The following SHANK2 variants were observed in gnomAD, a reference collection of about 807,000 sequenced individuals.
SHANK2 encodes SH3 and multiple ankyrin repeat domains protein 2.
Under a neutral mutation model 133.7 loss-of-function variants are expected in SHANK2, and 43 were observed. That is an observed-to-expected ratio of 0.32 (90% confidence interval 0.25 to 0.41). The LOEUF is 0.41. Among genes scored for constraint, SHANK2 ranks in the 10% least tolerant of loss-of-function variants. SHANK2 has a pLI of 1.00. For synonymous variants in SHANK2, 1,017 were observed against 952.8 expected, an observed-to-expected ratio of 1.07 and a Z score of -1.24; for missense variants, 1,994 against 2,235.8, an observed-to-expected ratio of 0.89 and a Z score of 2.18.
At chr11:70,557,487 T>A (rs75279002) in intron 17 of SHANK2, among the ~76,000 whole-genome samples, 3,483 of 152,026 alleles carry the variant, frequency 0.023, 74 homozygotes, top group East Asian at 0.1. Flanking sequence ...CCAGATGGAG[T>A]TGGCAGTCCT....
chr11:71,227,763 T>C (rs561336773), intron 1 of SHANK2, among the ~76,000 whole-genome samples: 1 of 152,238 alleles, frequency 6.6e-6, no homozygotes, highest in South Asian at 2.1e-4. Flanking sequence ...AGAATTCACA[T>C]TCTTTTCAAG....
intron 2 of SHANK2, among the ~76,000 whole-genome samples, chr11:71,194,977 A>T (rs998742775): frequency 5.5e-4 from 84 of 152,200 alleles, no homozygotes; most frequent in African/African-American, 2.0e-3. Flanking sequence ...AATCCCAATA[A>T]GGCTTAAACC....
intron 14 of SHANK2, among the ~76,000 whole-genome samples, chr11:70,723,329 C>CTCTCTT (rs1565270471): frequency 6.6e-6 from 1 of 152,044 alleles, no homozygotes; most frequent in African/African-American, 2.4e-5. Context: ...CTCTCTCTCT[C>CTCTCTT]GCTGGCCTGA....
chr11:71,223,043 G>A (rs1555121562), intron 2 of SHANK2, among the ~76,000 whole-genome samples: 1 of 152,242 alleles, frequency 6.6e-6, no homozygotes, highest in Non-Finnish European at 1.5e-5. Context: ...GTGAGTGACA[G>A]CAGAGGCTAG....
chr11:70,659,451 T>C (rs191612009), intron 17 of SHANK2, among the ~76,000 whole-genome samples: 1 of 152,252 alleles, frequency 6.6e-6, no homozygotes, highest in Non-Finnish European at 1.5e-5. Flanking sequence ...GACTCACCCA[T>C]AGGACACAAG....
intron 11 of SHANK2, among the ~76,000 whole-genome samples, chr11:70,846,607 T>C (rs782094801): frequency 2.5e-4 from 38 of 152,194 alleles, no homozygotes; most frequent in Non-Finnish European, 4.0e-4. Flanking sequence ...GGTCAACTGC[T>C]GGTGTCCCAA....
intron 17 of SHANK2, among the ~76,000 whole-genome samples, chr11:70,567,407 T>A (rs891067569): frequency 8.6e-5 from 13 of 151,970 alleles, no homozygotes; most frequent in Admixed American, 2.6e-4. Context: ...GGTGGGTGGA[T>A]CACGAGGTCA....
At chr11:70,837,792 T>C (rs1482336641) in intron 11 of SHANK2, among the ~76,000 whole-genome samples, 4 of 151,670 alleles carry the variant, frequency 2.6e-5, no homozygotes, top group African/African-American at 7.3e-5. Context: ...CTGGCCAACA[T>C]AGCGAAACCC....
At chr11:71,170,523 T>C (rs1953293223) in intron 2 of SHANK2, among the ~76,000 whole-genome samples, 2 of 152,230 alleles carry the variant, frequency 1.3e-5, no homozygotes, top group South Asian at 4.1e-4. Flanking sequence ...TTTGCCATCA[T>C]GAAGGGATGT....
At chr11:70,754,161 T>C (rs1009511533) in intron 14 of SHANK2, among the ~76,000 whole-genome samples, 3 of 152,194 alleles carry the variant, frequency 2.0e-5, no homozygotes, top group Non-Finnish European at 4.4e-5. Flanking sequence ...CTCCAGTGAT[T>C]TCGCTGGTGA....
Position 70,715,811 on chromosome 11 carries a change from G to A in SHANK2, c.1778-17048C>T, listed in dbSNP as rs140655494. Among the ~76,000 whole-genome samples, 1,121 of 152,308 alleles carry A rather than the reference G, an allele frequency of 7.4e-3. 9 individuals are homozygous for A. Among genetic ancestry groups the A allele is most frequent in the African/African-American group, 0.025 (1,045 of 41,578 alleles). On this transcript the variant is annotated intron_variant, in intron 14 of 25. Coordinates refer to ENST00000601538, the MANE Select transcript of SHANK2 (RefSeq NM_012309.5). ...CTATCTGTCCAGAAGGATGCCTGGCGAATGTGACCCACATGCCCCTGGACC... is the reference window on the plus strand; with the variant it reads ...CTATCTGTCCAGAAGGATGCCTGGCAAATGTGACCCACATGCCCCTGGACC...
chr11:71,167,224 T>A (rs1479786038), intron 2 of SHANK2, among the ~76,000 whole-genome samples: 7 of 152,198 alleles, frequency 4.6e-5, no homozygotes, highest in South Asian at 4.1e-4. Context: ...CGATTCTCAA[T>A]CTTTTCCCCA....
At chr11:70,570,559 C>T (rs1458811650) in intron 17 of SHANK2, 1 of 152,426 alleles carries the variant, frequency 6.6e-6, no homozygotes, top group East Asian at 1.9e-4. Context: ...GCTAGCTCCT[C>T]ACCTGCTCTG....
intron 17 of SHANK2, among the ~76,000 whole-genome samples, chr11:70,586,829 C>CCA (rs2060260715): frequency 1.3e-5 from 2 of 152,214 alleles, no homozygotes; most frequent in Non-Finnish European, 2.9e-5. Flanking sequence ...CTCACCCCCC[C>CCA]AGAGTGGGCA....
At position 71,210,210 on chromosome 11, in the gene SHANK2, G is replaced by GTGTATATATATGTATATATA. The variant is rs1491563939; in HGVS notation, c.-13+14486_-13+14487insTATATATACATATATATACA. On this transcript the variant is annotated intron_variant, in intron 2 of 25. Transcript: ENST00000601538. Reference sequence around the variant, plus strand: ...GGTCCTCTTCATTGGAAATCCACAGGTATATATATATATATATATATATAT... The same window carrying GTGTATATATATGTATATATA: ...GGTCCTCTTCATTGGAAATCCACAGGTGTATATATATGTATATATATATATATATATATATATATATATAT... Among the ~76,000 whole-genome samples, 52 of 54,058 alleles carry GTGTATATATATGTATATATA rather than the reference G, an allele frequency of 9.6e-4. 4 individuals are homozygous for GTGTATATATATGTATATATA. The highest frequency in any genetic ancestry group is 8.5e-3 in the East Asian group (8 of 944). The allele number at this position is 54,058 out of a possible 152,430, so 35.5% of individuals were successfully genotyped here.
intron 17 of SHANK2, among the ~76,000 whole-genome samples, chr11:70,528,757 G>A (rs185192168): frequency 3.8e-4 from 57 of 151,986 alleles, no homozygotes; most frequent in African/African-American, 1.3e-3. Flanking sequence ...CCGTGGGGGA[G>A]ATCACCTACG....
At chr11:71,103,969 C>G (rs1429162726) in intron 6 of SHANK2, among the ~76,000 whole-genome samples, 1 of 151,588 alleles carries the variant, frequency 6.6e-6, no homozygotes, top group Non-Finnish European at 1.5e-5. Flanking sequence ...AATGCACCTG[C>G]TCTCCCTTTG....
Position 70,665,163 on chromosome 11 carries a change from C to T in SHANK2, c.1854-3485G>A, listed in dbSNP as rs112363454. Among the ~76,000 whole-genome samples, 1,196 of 152,222 alleles carry T rather than the reference C, an allele frequency of 7.9e-3. 12 individuals are homozygous for T. The highest frequency in any genetic ancestry group is 0.02 in the African/African-American group (841 of 41,524). On this transcript the variant is annotated intron_variant, in intron 15 of 25. Coordinates refer to ENST00000601538, the MANE Select transcript of SHANK2 (RefSeq NM_012309.5). ...GAACTTAGTTTTTTAAAATTAGAGA[C>T]GGGGTTTTGCTCTGCCACTCAGGCT...
chr11:70,799,540 C>T (rs1947997060), intron 13 of SHANK2, among the ~76,000 whole-genome samples: 1 of 152,220 alleles, frequency 6.6e-6, no homozygotes, highest in East Asian at 1.9e-4. Context: ...CAGTCAGCAC[C>T]AGCCCCTTGG....
Sources: allele counts gnomAD v4.1 joint callset (sites outside exome capture counted in the v4.1 genomes callset), GRCh38; gene constraint gnomAD v4.1.1; transcripts MANE v1.5; gene names NCBI Gene and HGNC (gene_info 2026-07-23, HGNC 2026-07-21).